Variants in PRDM7 observed in about 807,000 individuals in gnomAD.
PRDM7 encodes the protein histone-lysine N-methyltransferase PRDM7.
A neutral mutation model predicts 64.3 loss-of-function variants in PRDM7; 52 were observed. The ratio of observed to expected loss-of-function variants is 0.81; its 90% CI spans 0.65 to 1.02. PRDM7 has a LOEUF of 1.02. Ranked by LOEUF, PRDM7 falls within the 50% of genes least tolerant of loss-of-function variation. The probability of loss-of-function intolerance (pLI) is 0.00; values close to 1 mark genes in which losing one functional copy is unlikely to be tolerated. For missense variants in PRDM7, 574 were observed against 597.1 expected, an observed-to-expected ratio of 0.96 and a Z score of 0.40; for synonymous variants, 192 against 210.1, an observed-to-expected ratio of 0.91 and a Z score of 0.74.
chr16:90,057,861 G>A lies in PRDM7; in HGVS notation c.*428C>T. The stretch of plus-strand genomic sequence containing the variant: ...ACTTACTCATCCTTCCTGCAGACTG[G>A]GGCGTCTCCCCTGTGTGTCCTCTGG... On this transcript the variant is annotated 3_prime_UTR_variant, in exon 11 of 11. Coordinates refer to ENST00000449207, the MANE Select transcript of PRDM7 (RefSeq NM_001098173.2). 6.5e-7 allele frequency: 1 copy of A among 1,527,018 alleles called. No individual in the cohort carries two copies. Among genetic ancestry groups the A allele is most frequent in the Middle Eastern group, 1.8e-4 (1 of 5,608 alleles). The allele number at this position is 1,527,018 out of a possible 1,614,324, so 94.6% of individuals were successfully genotyped here.
chr16:90,062,649 C>G, intron 6 of PRDM7, 147 bp from the exon 7 acceptor site: 1 of 771,974 alleles, frequency 1.3e-6, no homozygotes, highest in South Asian at 1.6e-5. Context: ...TTCAGAGAGA[C>G]TTAGACCCCA....
At position 90,075,856 on chromosome 16, in the gene PRDM7, C is replaced by G. The variant is rs2038029785; in HGVS notation, c.55G>C (p.Glu19Gln). The G allele has an allele frequency of 1.2e-6, 2 of 1,613,914 alleles. No individual in the cohort carries two copies. Among genetic ancestry groups the G allele is most frequent in the Non-Finnish European group, 1.7e-6 (2 of 1,179,966 alleles). Residue 19 changes from glutamate to glutamine, a missense_variant, in exon 2 of 11, where the codon GAG becomes CAG. Physicochemically the swap from Glu to Gln is conservative, Grantham distance 29 (BLOSUM62 2). Coordinates refer to ENST00000449207, the MANE Select transcript of PRDM7 (RefSeq NM_001098173.2). This position sits in a 1 kb window ranked among gnomAD's most constrained non-coding sequence, Gnocchi z 4.3. ...ESPEGDTERTERKPMVKDAFK... is the reference protein window; with the variant it reads ...ESPEGDTERTQRKPMVKDAFK... ...CGACTTCTCACCATGGGCTTCCGCTCTGTTCTCTCTGTGTCTCCTTCTGGG... is the reference window on the plus strand; with the variant it reads ...CGACTTCTCACCATGGGCTTCCGCTGTGTTCTCTCTGTGTCTCCTTCTGGG...
intron 7 of PRDM7, 60 bp from the exon 8 acceptor site, chr16:90,062,252 C>T (rs2037793074): frequency 6.2e-7 from 1 of 1,613,996 alleles, no homozygotes; most frequent in African/African-American, 1.3e-5. Flanking sequence ...GATATAAGAG[C>T]TTCAGAAAGA....
intron 4 of PRDM7, among the ~76,000 whole-genome samples, chr16:90,069,545 A>G (rs1203804352): frequency 2.0e-5 from 3 of 151,336 alleles, no homozygotes; most frequent in African/African-American, 7.4e-5. Context: ...TGTAGCAAAG[A>G]AAACAATCAA....
intron 4 of PRDM7, among the ~76,000 whole-genome samples, chr16:90,072,515 T>C (rs1049672174): frequency 2.6e-5 from 4 of 152,192 alleles, no homozygotes; most frequent in East Asian, 1.9e-4. Flanking sequence ...TGATTCCACG[T>C]ATATGAGGTA....
At position 90,057,592 on chromosome 16, in the gene PRDM7, C is replaced by T. The variant is rs1055511810; in HGVS notation, c.*697G>A. 21 of 680,750 alleles carry T rather than the reference C, an allele frequency of 3.1e-5. No individual in the cohort carries two copies. The highest frequency in any genetic ancestry group is 1.5e-4 in the South Asian group (6 of 40,288). 42.2% of individuals were successfully genotyped at this position (680,750 alleles called of 1,614,324 possible). A position where few individuals can be genotyped will look rare whatever the true frequency, so the allele number is the denominator to read the frequency against. On this transcript the variant is annotated 3_prime_UTR_variant, in exon 11 of 11. Coordinates refer to ENST00000449207, the MANE Select transcript of PRDM7 (RefSeq NM_001098173.2). ...ACACAAAAAATGGAGGGGATCAGTG[C>T]GGGAAACAACCACACATGTTGACGT...
rs2037703417 is a variant in PRDM7 at position 90,057,496 on chromosome 16, AG to A, written c.*792del. The A allele has an allele frequency of 5.2e-6, 1 of 191,340 alleles. No homozygotes were observed. The highest frequency in any genetic ancestry group is 1.1e-4 in the South Asian group (1 of 8,698). 11.9% of individuals were successfully genotyped at this position (191,340 alleles called of 1,614,324 possible). On this transcript the variant is annotated 3_prime_UTR_variant, in exon 11 of 11. Transcript: ENST00000449207. ...TGGACTCTTCCTTCCTTCAGTGATAAGGGAAGAATGAGGTACACACTTGGGG... is the reference window on the plus strand; with the variant it reads ...TGGACTCTTCCTTCCTTCAGTGATAAGGAAGAATGAGGTACACACTTGGGG...
At chr16:90,064,822 G>A (rs1465128339) in intron 5 of PRDM7, among the ~76,000 whole-genome samples, 25 of 150,628 alleles carry the variant, frequency 1.7e-4, no homozygotes, top group African/African-American at 2.2e-4. Flanking sequence ...AGGTTCAAGC[G>A]ATTCTCCTGC....
intron 4 of PRDM7, among the ~76,000 whole-genome samples, chr16:90,071,704 A>T (rs2037959174): frequency 6.6e-6 from 1 of 152,144 alleles, no homozygotes; most frequent in African/African-American, 2.4e-5. Context: ...TCACCTCTTA[A>T]AGGCTCCACC....
intron 4 of PRDM7, among the ~76,000 whole-genome samples, chr16:90,068,341 A>G (rs954574994): frequency 2.0e-5 from 3 of 151,094 alleles, no homozygotes; most frequent in African/African-American, 7.4e-5. Flanking sequence ...GTTAGAAGTA[A>G]TACACGAATT....
chr16:90,074,907 C>T lies in PRDM7; in HGVS notation c.301+9G>A, dbSNP rs368381900. On this transcript the variant is annotated intron_variant, in intron 4 of 10. Transcript: ENST00000449207. ...AAAAAAAAAAAATCCTCCTTCCCTT[C>T]CCTCTTACCTTGCTGCCTAGGTGTC... 3.7e-6 allele frequency: 6 copies of T among 1,612,994 alleles called. No homozygotes were observed. The highest frequency in any genetic ancestry group is 5.1e-6 in the Non-Finnish European group (6 of 1,179,206).
intron 5 of PRDM7, among the ~76,000 whole-genome samples, chr16:90,066,476 T>C (rs2037874609): frequency 6.6e-6 from 1 of 151,246 alleles, no homozygotes; most frequent in South Asian, 2.1e-4. Context: ...GAAGGAGTTT[T>C]GGATTAGACT....
chr16:90,072,406 G>A (rs1364037191), intron 4 of PRDM7, among the ~76,000 whole-genome samples: 1 of 152,150 alleles, frequency 6.6e-6, no homozygotes, highest in Non-Finnish European at 1.5e-5. Context: ...CCTTAAAAAA[G>A]AAGAAAATCT....
chr16:90,057,999 A>T lies in PRDM7; in HGVS notation c.*290T>A. On this transcript the variant is annotated 3_prime_UTR_variant, in exon 11 of 11. Coordinates refer to ENST00000449207, the MANE Select transcript of PRDM7 (RefSeq NM_001098173.2). ...CTGAGGAGGTCTGACTTCCGGCTAA[A>T]GCCCTCCCACACTCTCTGCAGACGT... is the stretch of plus-strand genomic sequence containing the variant. 1 of 1,607,046 alleles carries T rather than the reference A, an allele frequency of 6.2e-7. No homozygotes were observed. The highest frequency in any genetic ancestry group is 8.5e-7 in the Non-Finnish European group (1 of 1,175,498).
Position 90,075,603 on chromosome 16 carries a change from C to T in PRDM7, c.70-129G>A, listed in dbSNP as rs965685666. The T allele has an allele frequency of 1.3e-6, 2 of 1,496,370 alleles. No individual in the cohort carries two copies. The highest frequency in any genetic ancestry group is 1.7e-5 in the Admixed American group (1 of 59,186). 92.7% of individuals were successfully genotyped at this position (1,496,370 alleles called of 1,614,324 possible). On this transcript the variant is annotated intron_variant, in intron 2 of 10. Coordinates refer to ENST00000449207, the MANE Select transcript of PRDM7 (RefSeq NM_001098173.2). This position sits in a 1 kb window ranked among gnomAD's most constrained non-coding sequence, Gnocchi z 4.3. ...TCTGTGAAACATAAAGACCTTCCCT[C>T]CTTCTCCAGATTGTGTCCTGTTTAA...
chr16:90,062,141 G>A lies in PRDM7; in HGVS notation c.662C>T (p.Pro221Leu), dbSNP rs1351186969. Residue 221 changes from proline (P) to leucine (L), a missense_variant, in exon 8 of 11, where the codon CCC (proline) becomes CTC (leucine). By Grantham distance (98) the Pro-to-Leu change is moderately conservative. Transcript: ENST00000449207. ...FFIDSCAAHG[P>L]PTFVKDSAVD... ...TGCACTGTCCTTTACAAATGTAGGG[G>A]GCCCATGAGCAGCACAGCTGTCAAT... 15 of 1,614,250 alleles carry A rather than the reference G, an allele frequency of 9.3e-6. No individual in the cohort carries two copies. Among genetic ancestry groups the A allele is most frequent in the Admixed American group, 3.3e-5 (2 of 60,028 alleles).
chr16:90,059,742 A>G (rs535975306), intron 10 of PRDM7, among the ~76,000 whole-genome samples: 25 of 152,336 alleles, frequency 1.6e-4, no homozygotes, highest in African/African-American at 5.8e-4. Context: ...CACCGATCCC[A>G]GGTCTCACAC....
At chr16:90,059,674 T>G (rs1302528736) in intron 10 of PRDM7, among the ~76,000 whole-genome samples, 1 of 151,496 alleles carries the variant, frequency 6.6e-6, no homozygotes, top group African/African-American at 2.4e-5. Flanking sequence ...CCCCCAGGTC[T>G]CACACTGACC....
chr16:90,066,991 G>A (rs1240452291), intron 4 of PRDM7, 81 bp from the exon 5 acceptor site: 1 of 1,199,426 alleles, frequency 8.3e-7, no homozygotes, highest in Admixed American at 1.7e-5. Context: ...TTGATATGGA[G>A]TCTCCCTCTG....
Sources: gnomAD v4.1 joint callset for allele counts (sites outside exome capture counted in the v4.1 genomes callset) on GRCh38, gnomAD v4.1.1 for gene constraint, Gnocchi (gnomAD v3.1) non-coding constraint, MANE v1.5 for transcripts, NCBI Gene and HGNC (gene_info 2026-07-23, HGNC 2026-07-21) for gene names.